Variants in CNTN5 observed in about 807,000 individuals in gnomAD.
CNTN5 encodes contactin 5.
In CNTN5, 77 loss-of-function variants were observed where a neutral mutation model predicts 129.1. That is an observed-to-expected ratio of 0.60 (90% CI 0.50 to 0.72). The LOEUF (loss-of-function observed/expected upper bound fraction) is 0.72. Among genes scored for constraint, CNTN5 ranks in the 30% least tolerant of loss-of-function variants. CNTN5 has a pLI of 0.00. For synonymous variants in CNTN5, 509 were observed against 465.6 expected (o/e 1.09, Z -1.20); for missense variants, 1,478 against 1,328.8 (o/e 1.11, Z -1.75).
intron 7 of CNTN5, among the ~76,000 whole-genome samples, chr11:99,942,633 C>T (rs142901533): frequency 2.0e-5 from 3 of 152,060 alleles, no homozygotes; most frequent in African/African-American, 7.2e-5. Flanking sequence ...AGGTTTTAAG[C>T]CCCACATGCA....
At chr11:100,302,305 G>C (rs1010651185) in intron 20 of CNTN5, among the ~76,000 whole-genome samples, 1 of 151,510 alleles carries the variant, frequency 6.6e-6, no homozygotes, top group Non-Finnish European at 1.5e-5. Flanking sequence ...TCTCCCCTCA[G>C]TGTCTATGGA....
intron 2 of CNTN5, among the ~76,000 whole-genome samples, chr11:99,354,427 T>C (rs1938504538): frequency 6.6e-6 from 1 of 152,204 alleles, no homozygotes; most frequent in South Asian, 2.1e-4. Context: ...AGAAGTTCTT[T>C]AAGTCCAGCT....
intron 13 of CNTN5, among the ~76,000 whole-genome samples, chr11:100,155,472 T>C (rs1947207995): frequency 6.6e-6 from 1 of 152,150 alleles, no homozygotes. Context: ...CCAGCTTTGG[T>C]CTTTTTGCTT....
At chr11:99,892,637 A>G (rs1437472682) in intron 6 of CNTN5, among the ~76,000 whole-genome samples, 1 of 152,130 alleles carries the variant, frequency 6.6e-6, no homozygotes, top group African/African-American at 2.4e-5. Flanking sequence ...AAATGGTTTT[A>G]GATGTGCAGT....
chr11:99,625,384 T>A (rs1951091066), intron 3 of CNTN5, among the ~76,000 whole-genome samples: 1 of 152,194 alleles, frequency 6.6e-6, no homozygotes. Context: ...TGAGTCTAAA[T>A]AGAAGAGTAA....
chr11:99,899,202 T>A (rs2135942110), intron 6 of CNTN5, among the ~76,000 whole-genome samples: 1 of 152,192 alleles, frequency 6.6e-6, no homozygotes, highest in African/African-American at 2.4e-5. Context: ...TTTTCCCAAT[T>A]TGGATGCCTT....
intron 6 of CNTN5, among the ~76,000 whole-genome samples, chr11:99,896,595 G>T (rs1408096842): frequency 2.6e-5 from 4 of 152,120 alleles, no homozygotes; most frequent in Non-Finnish European, 5.9e-5. Context: ...TACAATCATG[G>T]GTTATTCCTC....
At chr11:99,938,410 C>G (rs1305559826) in intron 7 of CNTN5, among the ~76,000 whole-genome samples, 1 of 152,056 alleles carries the variant, frequency 6.6e-6, no homozygotes, top group Non-Finnish European at 1.5e-5. Flanking sequence ...TACATAGGTA[C>G]TAAAACGGTT....
At chr11:99,267,725 C>A (rs973181013) in intron 1 of CNTN5, among the ~76,000 whole-genome samples, 1 of 151,952 alleles carries the variant, frequency 6.6e-6, no homozygotes, top group African/African-American at 2.4e-5. Context: ...GAATAAGCAT[C>A]CATTTCATTG....
intron 2 of CNTN5, among the ~76,000 whole-genome samples, chr11:99,531,403 T>A (rs1947700552): frequency 6.6e-6 from 1 of 152,186 alleles, no homozygotes; most frequent in South Asian, 2.1e-4. Context: ...TTCAGAAAAT[T>A]TGCAGCCTGA....
intron 1 of CNTN5, among the ~76,000 whole-genome samples, chr11:99,126,095 C>A (rs11218492): frequency 0.5 from 76,570 of 151,836 alleles, 19,232 homozygotes; most frequent in East Asian, 0.61. Flanking sequence ...TTTTGGGGAG[C>A]AATGTTCTAT....
At chr11:100,187,154 G>T (rs1840040) in intron 13 of CNTN5, among the ~76,000 whole-genome samples, 135,093 of 151,972 alleles carry the variant, frequency 0.89, 60,315 homozygotes, top group East Asian at 0.99. Flanking sequence ...TTTTTTTGCA[G>T]CTATTGTAAA....
intron 1 of CNTN5, among the ~76,000 whole-genome samples, chr11:99,090,761 G>A (rs1035776946): frequency 6.7e-5 from 10 of 148,268 alleles, no homozygotes; most frequent in African/African-American, 2.0e-4. Context: ...GGTGGCTCAC[G>A]CCTGTAATCC....
intron 2 of CNTN5, among the ~76,000 whole-genome samples, chr11:99,360,630 C>G (rs1939041422): frequency 6.6e-6 from 1 of 152,168 alleles, no homozygotes; most frequent in Non-Finnish European, 1.5e-5. Context: ...TTTTGTTCCC[C>G]AGGCCTTGGC....
At chr11:99,086,816 G>A (rs924384891) in intron 1 of CNTN5, among the ~76,000 whole-genome samples, 1 of 152,122 alleles carries the variant, frequency 6.6e-6, no homozygotes, top group Non-Finnish European at 1.5e-5. Context: ...AAATAATGGG[G>A]TTACAGTAAT....
intron 15 of CNTN5, among the ~76,000 whole-genome samples, chr11:100,222,656 TAA>T (rs951541567): frequency 7.0e-6 from 1 of 143,668 alleles, no homozygotes; most frequent in African/African-American, 2.6e-5. Flanking sequence ...AGCAAGCAAA[TAA>T]AAAAAAAAGC....
At chr11:99,080,980 GTTTTTTT>G in intron 1 of CNTN5, among the ~76,000 whole-genome samples, 1 of 112,462 alleles carries the variant, frequency 8.9e-6, no homozygotes, top group East Asian at 2.8e-4. Context: ...TGAGAAATCA[GTTTTTTT>G]TTTTTTTTTT....
At chr11:99,086,707 G>A (rs183413771) in intron 1 of CNTN5, among the ~76,000 whole-genome samples, 37 of 152,202 alleles carry the variant, frequency 2.4e-4, no homozygotes, top group African/African-American at 8.4e-4. Flanking sequence ...TGTAGTTATT[G>A]GTATGGAATC....
At chr11:99,843,161 T>C (rs914980502) in intron 4 of CNTN5, among the ~76,000 whole-genome samples, 1 of 152,120 alleles carries the variant, frequency 6.6e-6, no homozygotes, top group African/African-American at 2.4e-5. Flanking sequence ...GAGGCAGAGG[T>C]TGCAGTGAGC....
Sources: allele counts gnomAD v4.1 joint callset (sites outside exome capture counted in the v4.1 genomes callset), GRCh38; gene constraint gnomAD v4.1.1; transcripts MANE v1.5; gene names NCBI Gene and HGNC (gene_info 2026-07-23, HGNC 2026-07-21).